THAP9: variants seen among roughly 807,000 people sequenced by gnomAD.
THAP9 encodes the protein THAP domain containing 9, also known as DNA transposase THAP9.
A neutral mutation model predicts 35.7 loss-of-function variants in THAP9; 20 were observed. The observed-to-expected ratio is 0.56, with a 90% CI of 0.39 to 0.81. The LOEUF is 0.81. Ranked by LOEUF, THAP9 falls within the 40% of genes least tolerant of loss-of-function variation. The probability of loss-of-function intolerance (pLI) is 0.00; values close to 1 mark genes in which losing one functional copy is unlikely to be tolerated. For missense variants in THAP9, 870 were observed against 1,047.4 expected (o/e 0.83, Z 2.34); for synonymous variants, 335 against 373.7 (o/e 0.90, Z 1.19).
In THAP9 at chr4:82,900,786, C is replaced by A. The variant is rs772049107; in HGVS notation, c.-17C>A. ...TGTCGCGGGAACCCCGAAGGTGGGG[C>A]CCCACGTAACAAGAAGATGACCCGA... On this transcript the variant is annotated 5_prime_UTR_variant, in exon 1 of 5. Transcript: ENST00000302236. 6.2e-7 allele frequency: 1 copy of A among 1,613,508 alleles called. No homozygotes were observed. Among genetic ancestry groups the A allele is most frequent in the South Asian group, 1.1e-5 (1 of 91,066 alleles).
chr4:82,917,658 T>C lies in THAP9; in HGVS notation c.1446T>C (p.Phe482=), dbSNP rs146207852. ...AAGTGAATAGTGCCACCCAACTCTT[T>C]AGTGAGAGTGTAGCCAGTGCATTAG... ...VLKVNSATQL[F]SESVASALEY... The change falls in exon 5 of 5, where the codon TTT becomes TTC. Residue 482 remains phenylalanine (F), a synonymous_variant. Coordinates refer to ENST00000302236, the MANE Select transcript of THAP9 (RefSeq NM_024672.6). 8.1e-6 allele frequency: 13 copies of C among 1,613,600 alleles called. No homozygotes were observed. The highest frequency in any genetic ancestry group is 2.2e-5 in the South Asian group (2 of 90,994).
chr4:82,904,895 GAA>G lies in THAP9; in HGVS notation c.245_246del (p.Lys82ArgfsTer18). The G allele has an allele frequency of 6.2e-7, 1 of 1,613,740 alleles. No homozygotes were observed. The highest frequency in any genetic ancestry group is 8.5e-7 in the Non-Finnish European group (1 of 1,179,898). Reference sequence around the variant, plus strand: ...AGTCATATGGCATAAGAAGAAAGCTGAAAAAAGGAGCTGTGCCTTCTGTTTCT... The same window carrying G: ...AGTCATATGGCATAAGAAGAAAGCTGAAAAGGAGCTGTGCCTTCTGTTTCT... ...FESYGIRRKLKKGAVPSVSLY... is the reference protein window; with the variant it reads ...FESYGIRRKLXKGAVPSVSLY... On this transcript the variant is annotated frameshift_variant, in exon 2 of 5. Coordinates refer to ENST00000302236, the MANE Select transcript of THAP9 (RefSeq NM_024672.6). LOFTEE classifies it high-confidence loss of function.
chr4:82,901,056 T>G (rs1261791471), intron 1 of THAP9, 174 bp downstream of exon 1: 9 of 784,628 alleles, frequency 1.1e-5, no homozygotes, highest in Admixed American at 2.0e-5. Context: ...AGAATTGAGA[T>G]TCTCTCTCTT....
At chr4:82,901,998 C>T (rs765248032) in intron 1 of THAP9, among the ~76,000 whole-genome samples, 2 of 151,670 alleles carry the variant, frequency 1.3e-5, no homozygotes, top group Admixed American at 6.6e-5. Context: ...GCATATGTAA[C>T]GCACAAGGTA....
Position 82,918,471 on chromosome 4 carries a change from AT to A in THAP9, c.2262del (p.Phe754LeufsTer19), listed in dbSNP as rs1322839041. 2.0e-5 allele frequency: 32 copies of A among 1,614,060 alleles called. No individual in the cohort carries two copies. Among genetic ancestry groups the A allele is most frequent in the Non-Finnish European group, 2.6e-5 (31 of 1,180,008 alleles). The part of the protein sequence containing the change: ...LKASKIGSLL[F>X]VKKKNGLHFP... The stretch of plus-strand genomic sequence containing the variant: ...AAGCCTCTAAAATTGGGTCACTATT[AT>A]TTGTTAAAAAGAAGAATGGTTTGCA... On this transcript the variant is annotated frameshift_variant, in exon 5 of 5. Transcript: ENST00000302236. LOFTEE classifies it high-confidence loss of function.
In THAP9 at chr4:82,918,181, A is replaced by T. The variant is rs775127300; in HGVS notation, c.1969A>T (p.Ser657Cys). The change falls in exon 5 of 5, where the codon AGC (serine) becomes TGC (cysteine). Residue 657 changes from serine to cysteine, a missense_variant. Coordinates refer to ENST00000302236, the MANE Select transcript of THAP9 (RefSeq NM_024672.6). ...FQDEVFLSKV[S>C]IFDISIARRK... is the part of the protein sequence containing the mutation. ...AGATGAAGTTTTTCTAAGCAAAGTAAGCATCTTTGACATTTCAATTGCTCG... is the reference window on the plus strand; with the variant it reads ...AGATGAAGTTTTTCTAAGCAAAGTATGCATCTTTGACATTTCAATTGCTCG... The T allele has an allele frequency of 3.1e-6, 5 of 1,614,202 alleles. No homozygotes were observed. The Admixed American group carries it at 6.7e-5, about 22-fold the overall frequency.
Position 82,904,879 on chromosome 4 carries a change from G to C in THAP9, c.224G>C (p.Gly75Ala). 10 of 1,613,952 alleles carry C rather than the reference G, an allele frequency of 6.2e-6. No individual in the cohort carries two copies. Among genetic ancestry groups the C allele is most frequent in the Non-Finnish European group, 8.5e-6 (10 of 1,179,972 alleles). ...HFQESDFESY[G>A]IRRKLKKGAV... is the part of the protein sequence containing the mutation. ...CAAGAAAGTGACTTTGAGTCATATG[G>C]CATAAGAAGAAAGCTGAAAAAAGGA... is the stretch of plus-strand genomic sequence containing the variant. The change falls in exon 2 of 5, where the codon GGC becomes GCC. Residue 75 changes from glycine (G) to alanine (A), a missense_variant. Gly to Ala is a moderately conservative substitution (Grantham distance 60). Transcript: ENST00000302236.
Position 82,917,421 on chromosome 4 carries a change from A to C in THAP9, c.1209A>C (p.Ser403=), listed in dbSNP as rs138088252. 1.3e-4 allele frequency: 208 copies of C among 1,613,920 alleles called. 1 individual carries two copies. The highest frequency in any genetic ancestry group is 4.2e-5 in the Non-Finnish European group (50 of 1,179,968). ...TGAAATGTACATTTCAGCATCCTTC[A>C]TCTTCTAGTCAACAGATTGCATACT... The part of the protein sequence containing the change: ...DDMKCTFQHP[S]SSSQQIAYFF... Residue 403 remains serine, a synonymous_variant, in exon 5 of 5, where the codon TCA becomes TCC. Transcript: ENST00000302236.
intron 4 of THAP9, among the ~76,000 whole-genome samples, chr4:82,914,165 C>T (rs1014337568): frequency 6.6e-6 from 1 of 152,188 alleles, no homozygotes; most frequent in African/African-American, 2.4e-5. Flanking sequence ...TGATCTCATT[C>T]TTTTTTATGG....
chr4:82,917,275 C>A lies in THAP9; in HGVS notation c.1063C>A (p.Arg355Ser). 6.2e-7 allele frequency: 1 copy of A among 1,614,130 alleles called. No individual in the cohort carries two copies. Among genetic ancestry groups the A allele is most frequent in the Non-Finnish European group, 8.5e-7 (1 of 1,180,000 alleles). ...ASGYLQAQLL[R>S]LTIGKLSDIG... ...TGGATATTTGCAGGCTCAGCTGCTT[C>A]GTCTGACTATTGGTAAACTGAGTGA... The change falls in exon 5 of 5, where the codon CGT becomes AGT. Residue 355 changes from arginine to serine, a missense_variant. Physicochemically the swap from Arg to Ser is moderately radical, Grantham distance 110. Coordinates refer to ENST00000302236, the MANE Select transcript of THAP9 (RefSeq NM_024672.6).
At position 82,918,156 on chromosome 4, in the gene THAP9, A is replaced by G; in HGVS notation, c.1944A>G (p.Gln648=). The G allele has an allele frequency of 1.2e-6, 2 of 1,614,178 alleles. No individual in the cohort carries two copies. The highest frequency in any genetic ancestry group is 3.3e-5 in the Admixed American group (2 of 60,018). ...ATTTGGAGACCAGATACAAATTTCA[A>G]GATGAAGTTTTTCTAAGCAAAGTAA... ...YYNLETRYKF[Q]DEVFLSKVSI... is the part of the protein sequence containing the mutation. The change falls in exon 5 of 5, where the codon CAA becomes CAG. Residue 648 remains glutamine, a synonymous_variant. Transcript: ENST00000302236.
chr4:82,904,620 C>A, intron 1 of THAP9, 116 bp from the exon 2 acceptor site: 1 of 930,572 alleles, frequency 1.1e-6, no homozygotes, highest in Non-Finnish European at 1.5e-6. Context: ...TTTTAATTCA[C>A]TTGGCTTTAT....
chr4:82,913,593 A>G (rs889177746), intron 4 of THAP9, among the ~76,000 whole-genome samples: 1 of 51,598 alleles, frequency 1.9e-5, no homozygotes, highest in Non-Finnish European at 7.7e-5. Context: ...TTTTAGGTTC[A>G]GGGGTACATG....
At position 82,914,941 on chromosome 4, in the gene THAP9, T is replaced by C. The variant is rs117657099; in HGVS notation, c.732-2003T>C. 1.6e-3 allele frequency among the ~76,000 whole-genome samples: 243 copies of C among 152,342 alleles called. 7 individuals carry two copies. The East Asian group carries it at 0.042, about 26-fold the overall frequency. On this transcript the variant is annotated intron_variant, in intron 4 of 4. Coordinates refer to ENST00000302236, the MANE Select transcript of THAP9 (RefSeq NM_024672.6). Reference sequence around the variant, plus strand: ...TTGCCTTCCAGGGTTTTTATAGTTTTGAGTTTTACATGTAAGTCTTTAATC... The same window carrying C: ...TTGCCTTCCAGGGTTTTTATAGTTTCGAGTTTTACATGTAAGTCTTTAATC...
At position 82,903,039 on chromosome 4, in the gene THAP9, T is replaced by C. The variant is rs143325539; in HGVS notation, c.81-1697T>C. Among the ~76,000 whole-genome samples, 515 of 152,350 alleles carry C rather than the reference T, an allele frequency of 3.4e-3. 3 individuals carry two copies. The highest frequency in any genetic ancestry group is 0.012 in the African/African-American group (496 of 41,580). On this transcript the variant is annotated intron_variant, in intron 1 of 4. Coordinates refer to ENST00000302236, the MANE Select transcript of THAP9 (RefSeq NM_024672.6). ...TTATGTTTTACCATGCTGCTATATT[T>C]TTGTAGCATTTAGCTGAGAAATAAA...
intron 4 of THAP9, among the ~76,000 whole-genome samples, chr4:82,909,069 G>A (rs1720765445): frequency 6.6e-6 from 1 of 151,004 alleles, no homozygotes. Flanking sequence ...ACCATACCCG[G>A]CTAATTTTTA....
At chr4:82,908,348 T>C (rs1401208496) in intron 4 of THAP9, among the ~76,000 whole-genome samples, 1 of 152,322 alleles carries the variant, frequency 6.6e-6, no homozygotes, top group Admixed American at 6.5e-5. Context: ...CAGTTCTGGA[T>C]TGATCGCCAT....
chr4:82,918,462 G>T lies in THAP9; in HGVS notation c.2250G>T (p.Gly750=), dbSNP rs140354226. The T allele has an allele frequency of 1.2e-6, 2 of 1,613,968 alleles. No homozygotes were observed. Among genetic ancestry groups the T allele is most frequent in the Non-Finnish European group, 1.7e-6 (2 of 1,179,998 alleles). The change falls in exon 5 of 5, where the codon GGG becomes GGT. Residue 750 remains glycine, a synonymous_variant. Coordinates refer to ENST00000302236, the MANE Select transcript of THAP9 (RefSeq NM_024672.6). ...CGGATCTCAAAGCCTCTAAAATTGG[G>T]TCACTATTATTTGTTAAAAAGAAGA... ...YASDLKASKI[G]SLLFVKKKNG...
Position 82,904,750 on chromosome 4 carries a change from C to G in THAP9, c.95C>G (p.Thr32Ser). Residue 32 changes from threonine to serine, a missense_variant, in exon 2 of 5, where the codon ACC becomes AGC. Transcript: ENST00000302236. ...GLSFHQFPTD[T>S]IQRSKWIRAV... ...GATTGTCATAGATTTCCAACTGATA[C>G]CATACAGCGCTCAAAATGGATCAGG... 6.2e-7 allele frequency: 1 copy of G among 1,614,062 alleles called. No individual in the cohort carries two copies. The highest frequency in any genetic ancestry group is 1.7e-5 in the Admixed American group (1 of 60,026).
Sources: allele counts gnomAD v4.1 joint callset (sites outside exome capture counted in the v4.1 genomes callset), GRCh38; gene constraint gnomAD v4.1.1; transcripts MANE v1.5; gene names NCBI Gene and HGNC (gene_info 2026-07-23, HGNC 2026-07-21).